The following EPB41L4A variants were observed in gnomAD, a reference collection of about 807,000 sequenced individuals.
The protein encoded by EPB41L4A is erythrocyte membrane protein band 4.1 like 4A.
In EPB41L4A, 100 loss-of-function variants were observed where a neutral mutation model predicts 108.6. The observed-to-expected ratio is 0.92, with a 90% CI of 0.78 to 1.09. The LOEUF (loss-of-function observed/expected upper bound fraction) is 1.09. Among genes scored for constraint, EPB41L4A ranks in the 50% least tolerant of loss-of-function variants. The pLI, the probability that EPB41L4A is intolerant of heterozygous loss-of-function variation, is 0.00. For missense variants in EPB41L4A, 1,030 were observed against 842.7 expected (o/e 1.22, Z -2.75); for synonymous variants, 319 against 289.0 (o/e 1.10, Z -1.05).
At chr5:112,217,561 C>T (rs1747741574) in intron 12 of EPB41L4A, among the ~76,000 whole-genome samples, 1 of 152,126 alleles carries the variant, frequency 6.6e-6, no homozygotes, top group Non-Finnish European at 1.5e-5. Flanking sequence ...ATTAGCCAGG[C>T]ATGGTGGCCC....
intron 1 of EPB41L4A, among the ~76,000 whole-genome samples, chr5:112,389,385 A>C (rs1359512132): frequency 1.3e-5 from 2 of 152,214 alleles, no homozygotes; most frequent in Non-Finnish European, 2.9e-5. Flanking sequence ...AAACAGACTC[A>C]TCCATGCTAA....
intron 1 of EPB41L4A, among the ~76,000 whole-genome samples, chr5:112,391,876 C>G (rs1760967102): frequency 6.6e-6 from 1 of 152,208 alleles, no homozygotes; most frequent in African/African-American, 2.4e-5. Flanking sequence ...CAGCAGATCT[C>G]TCGGCAGAAA....
At chr5:112,374,308 A>C (rs538305872) in intron 1 of EPB41L4A, among the ~76,000 whole-genome samples, 56 of 152,324 alleles carry the variant, frequency 3.7e-4, no homozygotes, top group African/African-American at 1.3e-3. Context: ...TAATCTTCTA[A>C]GAATGAACAG....
intron 1 of EPB41L4A, among the ~76,000 whole-genome samples, chr5:112,412,751 A>G (rs1323619859): frequency 6.6e-6 from 1 of 152,210 alleles, no homozygotes; most frequent in East Asian, 1.9e-4. Context: ...AAATTGTCAG[A>G]GATAAAGCTG....
intron 2 of EPB41L4A, among the ~76,000 whole-genome samples, chr5:112,294,438 A>G (rs1190078617): frequency 2.0e-5 from 3 of 152,220 alleles, no homozygotes; most frequent in East Asian, 1.9e-4. Flanking sequence ...ATAGGATTCA[A>G]TGCTTCCCTT....
intron 9 of EPB41L4A, among the ~76,000 whole-genome samples, chr5:112,245,586 G>A (rs544326095): frequency 1.3e-5 from 2 of 152,286 alleles, no homozygotes; most frequent in Non-Finnish European, 2.9e-5. Context: ...TTCTGGCTCG[G>A]GTGCTACTAA....
At chr5:112,230,712 G>T (rs1156261314) in intron 12 of EPB41L4A, among the ~76,000 whole-genome samples, 1 of 152,162 alleles carries the variant, frequency 6.6e-6, no homozygotes, top group Non-Finnish European at 1.5e-5. Context: ...TTGCTGTGCA[G>T]AAGCTTTTCA....
chr5:112,291,013 G>C (rs1031248487), intron 2 of EPB41L4A, among the ~76,000 whole-genome samples: 4 of 152,090 alleles, frequency 2.6e-5, no homozygotes, highest in African/African-American at 9.7e-5. Flanking sequence ...TAAAAACCTA[G>C]AGACTCCTAG....
intron 17 of EPB41L4A, among the ~76,000 whole-genome samples, chr5:112,191,741 A>G (rs1490328700): frequency 3.9e-5 from 6 of 152,082 alleles, no homozygotes; most frequent in African/African-American, 1.4e-4. Flanking sequence ...GACCACATGC[A>G]ACTTCCAGAA....
intron 7 of EPB41L4A, among the ~76,000 whole-genome samples, chr5:112,260,240 C>G (rs1751401949): frequency 6.6e-6 from 1 of 152,182 alleles, no homozygotes; most frequent in Admixed American, 6.5e-5. Flanking sequence ...CCAGTCAGGC[C>G]AATGGGACTT....
chr5:112,313,913 G>A (rs1438507359), intron 1 of EPB41L4A, among the ~76,000 whole-genome samples: 1 of 141,190 alleles, frequency 7.1e-6, no homozygotes, highest in Non-Finnish European at 1.5e-5. Context: ...CCCTAGGCTG[G>A]AGTGCAGTGG....
intron 1 of EPB41L4A, among the ~76,000 whole-genome samples, chr5:112,349,312 G>A (rs1182763715): frequency 6.6e-6 from 1 of 152,130 alleles, no homozygotes; most frequent in East Asian, 1.9e-4. Flanking sequence ...AGGAAGACAG[G>A]GCTCAGATAA....
At chr5:112,327,733 G>T (rs1443437614) in intron 1 of EPB41L4A, among the ~76,000 whole-genome samples, 2 of 151,786 alleles carry the variant, frequency 1.3e-5, no homozygotes, top group Non-Finnish European at 1.5e-5. Flanking sequence ...AAAAAGAAAA[G>T]AATTATAAAC....
At chr5:112,214,373 C>T (rs1232116264) in intron 12 of EPB41L4A, among the ~76,000 whole-genome samples, 1 of 152,202 alleles carries the variant, frequency 6.6e-6, no homozygotes, top group Non-Finnish European at 1.5e-5. Context: ...ACTGCTTTTT[C>T]ATTTAAATAT....
In EPB41L4A at chr5:112,277,125, C is replaced by A. The variant is rs117462743; in HGVS notation, c.257-1721G>T. ...CCACCCTCAGCTTATCCGTCTGTGT[C>A]AATCAAGCTCCATGTTCCTGAGCAG... On this transcript the variant is annotated intron_variant, in intron 3 of 22. Transcript: ENST00000261486. Among the ~76,000 whole-genome samples, 113 of 152,286 alleles carry A rather than the reference C, an allele frequency of 7.4e-4. No homozygotes were observed. The East Asian group carries it at 0.014, about 18-fold the overall frequency.
intron 16 of EPB41L4A, among the ~76,000 whole-genome samples, chr5:112,195,438 AC>A (rs1761916767): frequency 2.0e-5 from 3 of 151,738 alleles, no homozygotes; most frequent in South Asian, 2.1e-4. Flanking sequence ...TAATATGGCA[AC>A]AGATAAATAA....
chr5:112,305,066 A>C (rs1312274913), intron 2 of EPB41L4A, among the ~76,000 whole-genome samples: 2 of 152,102 alleles, frequency 1.3e-5, no homozygotes, highest in Non-Finnish European at 2.9e-5. Flanking sequence ...CTGCAATTTC[A>C]ATTATCTTGA....
Position 112,262,506 on chromosome 5 carries a change from G to A in EPB41L4A, c.630C>T (p.Leu210=), listed in dbSNP as rs1382490396. The A allele has an allele frequency of 6.2e-7, 1 of 1,613,692 alleles. No individual in the cohort carries two copies. The highest frequency in any genetic ancestry group is 8.5e-7 in the Non-Finnish European group (1 of 1,179,640). Reference sequence around the variant, plus strand: ...AAATGTTACTCACATAGACGGGATGGAGGTCAACGCCATACATCTCCAGGG... The same window carrying A: ...AAATGTTACTCACATAGACGGGATGAAGGTCAACGCCATACATCTCCAGGG... ...AKSLEMYGVD[L]HPVYGENKSE... The change falls in exon 7 of 23, where the codon CTC becomes CTT. Residue 210 remains leucine, a synonymous_variant. Coordinates refer to ENST00000261486, the MANE Select transcript of EPB41L4A (RefSeq NM_022140.5).
At chr5:112,380,186 A>G (rs1219595427) in intron 1 of EPB41L4A, among the ~76,000 whole-genome samples, 5 of 152,192 alleles carry the variant, frequency 3.3e-5, no homozygotes, top group African/African-American at 1.2e-4. Context: ...TCTGACACCA[A>G]ATGAAGAAAC....
Sources: gnomAD v4.1 joint callset for allele counts (sites outside exome capture counted in the v4.1 genomes callset) on GRCh38, gnomAD v4.1.1 for gene constraint, MANE v1.5 for transcripts, NCBI Gene and HGNC (gene_info 2026-07-23, HGNC 2026-07-21) for gene names.